Variants in CA5A observed in about 807,000 individuals in gnomAD.
CA5A encodes the protein carbonic anhydrase 5A.
In CA5A, 28 loss-of-function variants were observed where a neutral mutation model predicts 37.1. The ratio of observed to expected loss-of-function variants is 0.75; its 90% CI spans 0.56 to 1.03. The LOEUF (loss-of-function observed/expected upper bound fraction) is 1.03. Among genes scored for constraint, CA5A ranks in the 50% least tolerant of loss-of-function variants. The pLI is 0.00. For missense variants in CA5A, 444 were observed against 399.9 expected (o/e 1.11, Z -0.94); for synonymous variants, 171 against 158.4 (o/e 1.08, Z -0.60).
At chr16:87,897,213 T>C (rs533393793) in intron 5 of CA5A, among the ~76,000 whole-genome samples, 1 of 152,228 alleles carries the variant, frequency 6.6e-6, no homozygotes, top group African/African-American at 2.4e-5. Context: ...TGTTTCCACC[T>C]CCACAAGGCA....
downstream of CA5A, chr16:87,886,887 T>C (rs2055652812): frequency 6.6e-6 from 1 of 152,178 alleles, no homozygotes; most frequent in African/African-American, 2.4e-5. Context: ...TCTTAATTAA[T>C]ATAGCTTTTT....
intron 2 of CA5A, among the ~76,000 whole-genome samples, chr16:87,924,956 G>C (rs11642531): frequency 0.44 from 66,928 of 152,104 alleles, 15,664 homozygotes; most frequent in Non-Finnish European, 0.52. Flanking sequence ...CCCAATCACA[G>C]AGGAAGAAAA....
intron 2 of CA5A, among the ~76,000 whole-genome samples, chr16:87,910,084 A>C (rs1251820221): frequency 6.6e-6 from 1 of 151,778 alleles, no homozygotes; most frequent in Non-Finnish European, 1.5e-5. Context: ...GAAGCACTCT[A>C]AAACAAACAA....
chr16:87,931,111 AT>A (rs939722379), intron 1 of CA5A, among the ~76,000 whole-genome samples: 8,145 of 125,812 alleles, frequency 0.065, 256 homozygotes, highest in South Asian at 0.19. Context: ...TTGTCAAGTA[AT>A]TTTTTTTTTT....
chr16:87,900,935 T>C (rs1446064381), intron 5 of CA5A, among the ~76,000 whole-genome samples: 2 of 152,120 alleles, frequency 1.3e-5, no homozygotes, highest in Non-Finnish European at 2.9e-5. Flanking sequence ...TAAAGAAAAA[T>C]ATTAACTAGG....
chr16:87,888,225 C>G lies in CA5A; in HGVS notation c.822G>C (p.Glu274Asp). The stretch of plus-strand genomic sequence containing the variant: ...GGCGATAGTTGTTCACCATCATCTT[C>G]TCCTCTTCACCAAGTGCAGAAAACA... The part of the protein sequence containing the change: ...TLLFSALGEE[E>D]KMMVNNYRPL... Residue 274 changes from glutamate (E) to aspartate (D), a missense_variant, in exon 7 of 7, where the codon GAG becomes GAC. By Grantham distance (45) the Glu-to-Asp change is conservative (BLOSUM62 2). Transcript: ENST00000649794. 1.9e-6 allele frequency: 3 copies of G among 1,613,888 alleles called. No individual in the cohort carries two copies. The highest frequency in any genetic ancestry group is 2.5e-6 in the Non-Finnish European group (3 of 1,179,840).
chr16:87,918,241 A>T (rs186023012), intron 2 of CA5A, among the ~76,000 whole-genome samples: 3 of 152,350 alleles, frequency 2.0e-5, no homozygotes, highest in Admixed American at 6.5e-5. Context: ...AGCCCTGCCC[A>T]ATGAGCTGGG....
intron 3 of CA5A, among the ~76,000 whole-genome samples, chr16:87,904,364 A>AAAAC (rs143810181): frequency 2.9e-3 from 435 of 152,020 alleles, no homozygotes; most frequent in Non-Finnish European, 4.6e-3. Flanking sequence ...CAAAAACCAA[A>AAAAC]AAACAAACAA....
chr16:87,904,397 T>C (rs1204728085), intron 3 of CA5A, among the ~76,000 whole-genome samples: 1 of 151,562 alleles, frequency 6.6e-6, no homozygotes, highest in African/African-American at 2.4e-5. Context: ...AAGAAGATGA[T>C]CTCTATTGCA....
chr16:87,935,895 G>A (rs925064865), intron 1 of CA5A, among the ~76,000 whole-genome samples: 4 of 150,576 alleles, frequency 2.7e-5, no homozygotes, highest in African/African-American at 7.3e-5. Context: ...AAAGAGGGCC[G>A]GGCGCCGTGG....
chr16:87,902,023 G>A (rs1567520244), intron 4 of CA5A, 49 bp from the exon 5 acceptor site: 1 of 1,515,958 alleles, frequency 6.6e-7, no homozygotes, highest in Non-Finnish European at 9.2e-7. Context: ...GTGGATGGGG[G>A]GGGAAGCTCA....
At chr16:87,894,212 G>T (rs2055768460) in intron 5 of CA5A, among the ~76,000 whole-genome samples, 1 of 151,966 alleles carries the variant, frequency 6.6e-6, no homozygotes, top group Non-Finnish European at 1.5e-5. Flanking sequence ...CACGGTGGTT[G>T]GGCCTGGCCG....
At chr16:87,904,410 G>A (rs936651460) in intron 3 of CA5A, among the ~76,000 whole-genome samples, 1 of 152,044 alleles carries the variant, frequency 6.6e-6, no homozygotes, top group African/African-American at 2.4e-5. Context: ...CTATTGCAAA[G>A]ATGTTCAGCT....
At chr16:87,903,162 G>A (rs2055905769) in intron 3 of CA5A, among the ~76,000 whole-genome samples, 1 of 152,184 alleles carries the variant, frequency 6.6e-6, no homozygotes, top group Non-Finnish European at 1.5e-5. Context: ...GCTGGGCGCG[G>A]TGGCTCACGC....
intron 2 of CA5A, among the ~76,000 whole-genome samples, chr16:87,914,430 G>T (rs567109293): frequency 6.6e-6 from 1 of 152,212 alleles, no homozygotes. Context: ...GCCACGCGGC[G>T]GGTGCAGATG....
chr16:87,914,159 C>T (rs536511524), intron 2 of CA5A, among the ~76,000 whole-genome samples: 1 of 152,188 alleles, frequency 6.6e-6, no homozygotes, highest in Admixed American at 6.5e-5. Context: ...CACCGATTTA[C>T]AATAGGAACT....
At chr16:87,894,073 T>C (rs1347212740) in intron 5 of CA5A, among the ~76,000 whole-genome samples, 1 of 152,244 alleles carries the variant, frequency 6.6e-6, no homozygotes, top group Admixed American at 6.5e-5. Context: ...CTTTTGGATA[T>C]ATACCCAGAA....
At chr16:87,916,016 G>C (rs12934802) in intron 2 of CA5A, among the ~76,000 whole-genome samples, 4 of 151,442 alleles carry the variant, frequency 2.6e-5, no homozygotes, top group South Asian at 4.2e-4. Flanking sequence ...TCTTGCATGG[G>C]GGCAGCCAAG....
At chr16:87,927,525 A>G (rs1399456243) in intron 1 of CA5A, among the ~76,000 whole-genome samples, 1 of 152,174 alleles carries the variant, frequency 6.6e-6, no homozygotes, top group Non-Finnish European at 1.5e-5. Context: ...GCTCATTTCA[A>G]ACTGCTTTGA....
Sources: gnomAD v4.1 joint callset for allele counts (sites outside exome capture counted in the v4.1 genomes callset) on GRCh38, gnomAD v4.1.1 for gene constraint, MANE v1.5 for transcripts, NCBI Gene and HGNC (gene_info 2026-07-23, HGNC 2026-07-21) for gene names.